LSAMP: variants seen among roughly 807,000 people sequenced by gnomAD.
LSAMP encodes limbic system-associated membrane protein.
A neutral mutation model predicts 38.6 loss-of-function variants in LSAMP; 7 were observed. The observed-to-expected ratio is 0.18, with a 90% CI of 0.10 to 0.34. LSAMP has a LOEUF of 0.34. LSAMP is among the 10% of genes least tolerant of loss of function. LSAMP has a pLI of 1.00. For missense variants in LSAMP, 313 were observed against 420.0 expected (o/e 0.75, Z 2.23); for synonymous variants, 154 against 166.8 (o/e 0.92, Z 0.59).
intron 1 of LSAMP, among the ~76,000 whole-genome samples, chr3:116,248,541 C>T (rs530019706): frequency 2.0e-4 from 29 of 141,644 alleles, no homozygotes; most frequent in Middle Eastern, 3.6e-3. Flanking sequence ...GTGTATCAGA[C>T]TATGGGGACA....
intron 1 of LSAMP, among the ~76,000 whole-genome samples, chr3:116,114,005 T>C (rs1168206297): frequency 2.0e-5 from 3 of 152,154 alleles, no homozygotes; most frequent in Non-Finnish European, 2.9e-5. Context: ...GAAGACTATG[T>C]TGAAAATGTT....
intron 2 of LSAMP, among the ~76,000 whole-genome samples, chr3:116,059,790 C>T (rs562476851): frequency 4.1e-4 from 63 of 152,326 alleles, no homozygotes; most frequent in African/African-American, 1.4e-3. Flanking sequence ...ATCACCTGAA[C>T]GCTCTCTAAT....
chr3:116,036,925 G>C (rs1212016223), intron 2 of LSAMP, among the ~76,000 whole-genome samples: 1 of 152,074 alleles, frequency 6.6e-6, no homozygotes, highest in Non-Finnish European at 1.5e-5. Flanking sequence ...TGGAATAAAT[G>C]AGTCCTGGAT....
At chr3:115,810,496 A>G (rs1419987350) in intron 6 of LSAMP, 82 bp from the exon 7 acceptor site, 2 of 958,170 alleles carry the variant, frequency 2.1e-6, no homozygotes, top group Non-Finnish European at 3.3e-6. Context: ...TGATGGTATC[A>G]GAGGTAAGAC....
At chr3:116,429,152 G>C (rs115280651) in intron 1 of LSAMP, among the ~76,000 whole-genome samples, 308 of 152,308 alleles carry the variant, frequency 2.0e-3, no homozygotes, top group African/African-American at 7.0e-3. Context: ...CTAAGGCAAT[G>C]ATGAGGTAAT....
At chr3:115,957,367 A>G (rs1157416850) in intron 3 of LSAMP, among the ~76,000 whole-genome samples, 2 of 152,150 alleles carry the variant, frequency 1.3e-5, no homozygotes, top group Non-Finnish European at 2.9e-5. Context: ...CGTTGTGGCC[A>G]TATACTAATA....
intron 1 of LSAMP, among the ~76,000 whole-genome samples, chr3:116,120,322 T>C (rs1708846720): frequency 6.6e-6 from 1 of 152,056 alleles, no homozygotes; most frequent in Non-Finnish European, 1.5e-5. Context: ...TGAACAAATA[T>C]TACATAGTGC....
At chr3:116,250,862 C>CT (rs1256130709) in intron 1 of LSAMP, among the ~76,000 whole-genome samples, 6 of 152,138 alleles carry the variant, frequency 3.9e-5, no homozygotes, top group Non-Finnish European at 1.5e-5. Flanking sequence ...GAGTGAGACT[C>CT]TGTCTCAAAA....
intron 1 of LSAMP, among the ~76,000 whole-genome samples, chr3:116,145,469 A>G (rs1345586361): frequency 1.3e-5 from 2 of 152,020 alleles, no homozygotes; most frequent in African/African-American, 4.8e-5. Flanking sequence ...GTCCAAAGGC[A>G]GTCTGGAAGC....
intron 2 of LSAMP, among the ~76,000 whole-genome samples, chr3:116,024,395 T>C (rs1323059570): frequency 6.6e-6 from 1 of 152,174 alleles, no homozygotes; most frequent in Admixed American, 6.5e-5. Context: ...ACCAGTAAAA[T>C]AGAGCTCTTA....
intron 3 of LSAMP, among the ~76,000 whole-genome samples, chr3:116,016,790 A>C (rs192336572): frequency 5.9e-5 from 9 of 152,298 alleles, no homozygotes; most frequent in Non-Finnish European, 1.0e-4. Context: ...ATATTTTTGC[A>C]TGTCAAAGAA....
At chr3:116,070,757 C>A (rs1421481897) in intron 2 of LSAMP, among the ~76,000 whole-genome samples, 1 of 152,004 alleles carries the variant, frequency 6.6e-6, no homozygotes, top group African/African-American at 2.4e-5. Flanking sequence ...AAATAATGTA[C>A]CTGCCGGGCA....
chr3:115,978,491 T>G (rs1307979404), intron 3 of LSAMP, among the ~76,000 whole-genome samples: 1 of 152,030 alleles, frequency 6.6e-6, no homozygotes, highest in Non-Finnish European at 1.5e-5. Context: ...ACTATGAATG[T>G]TTGAATAACA....
intron 1 of LSAMP, among the ~76,000 whole-genome samples, chr3:116,232,699 C>CTTTTTTTTTTTTTTTTTTTTTT (rs1219296323): frequency 3.0e-5 from 3 of 99,448 alleles, no homozygotes; most frequent in Non-Finnish European, 6.2e-5. Flanking sequence ...TTCTTTCTTT[C>CTTTTTTTTTTTTTTTTTTTTTT]TTTTTTTTTT....
At chr3:116,098,839 G>T (rs1173120423) in intron 1 of LSAMP, among the ~76,000 whole-genome samples, 1 of 152,096 alleles carries the variant, frequency 6.6e-6, no homozygotes, top group African/African-American at 2.4e-5. Flanking sequence ...GTTGGAGCCG[G>T]ATGATCAAAA....
intron 1 of LSAMP, among the ~76,000 whole-genome samples, chr3:116,104,062 T>G (rs973898701): frequency 6.6e-6 from 1 of 152,154 alleles, no homozygotes; most frequent in African/African-American, 2.4e-5. Context: ...TTTCTCTAAG[T>G]GAGCCCACGT....
At chr3:116,074,674 C>T (rs1226908795) in intron 2 of LSAMP, among the ~76,000 whole-genome samples, 1 of 151,994 alleles carries the variant, frequency 6.6e-6, no homozygotes, top group Admixed American at 6.6e-5. Flanking sequence ...TTTTGTTAAC[C>T]CTTTCCTAGT....
intron 1 of LSAMP, among the ~76,000 whole-genome samples, chr3:116,144,357 T>A (rs1920365): frequency 0.18 from 26,815 of 151,678 alleles, 2,488 homozygotes; most frequent in Admixed American, 0.22. Context: ...ACCTTGTCAC[T>A]ACAAAAAATT....
At chr3:116,419,101 G>C (rs2049089769) in intron 1 of LSAMP, among the ~76,000 whole-genome samples, 1 of 152,126 alleles carries the variant, frequency 6.6e-6, no homozygotes, top group Admixed American at 6.5e-5. Context: ...CCTATTCTGG[G>C]TAGGCAATTC....
Sources: allele counts gnomAD v4.1 joint callset (sites outside exome capture counted in the v4.1 genomes callset), GRCh38; gene constraint gnomAD v4.1.1; transcripts MANE v1.5; gene names NCBI Gene and HGNC (gene_info 2026-07-23, HGNC 2026-07-21).